The following NSUN4 variants were observed in gnomAD, a reference collection of about 807,000 sequenced individuals.
NSUN4 encodes the protein 5-cytosine rRNA methyltransferase NSUN4.
A neutral mutation model predicts 43.8 loss-of-function variants in NSUN4; 31 were observed. The observed-to-expected ratio is 0.71, with a 90% CI of 0.53 to 0.96. NSUN4 has a LOEUF of 0.96. Among genes scored for constraint, NSUN4 ranks in the 40% least tolerant of loss-of-function variants. The pLI, the probability that NSUN4 is intolerant of heterozygous loss-of-function variation, is 0.00. For missense variants in NSUN4, 439 were observed against 475.6 expected (o/e 0.92, Z 0.72); for synonymous variants, 167 against 184.1 (o/e 0.91, Z 0.75).
intron 1 of NSUN4, 22 bp downstream of exon 1, chr1:46,340,941 A>T (rs750013320): frequency 6.3e-7 from 1 of 1,590,920 alleles, no homozygotes. Flanking sequence ...CTGGGGGCGC[A>T]GGAGGGAAAA....
intron 1 of NSUN4, chr1:46,341,238 C>G (rs1391016394): frequency 1.9e-6 from 2 of 1,078,922 alleles, no homozygotes; most frequent in Non-Finnish European, 2.3e-6. Flanking sequence ...CCCCCACTCC[C>G]CCTTTTACTT....
chr1:46,356,930 A>G (rs192430673), intron 4 of NSUN4, among the ~76,000 whole-genome samples: 81 of 152,274 alleles, frequency 5.3e-4, no homozygotes, highest in African/African-American at 1.8e-3. Flanking sequence ...TTCCCTTATA[A>G]TACAATATTA....
chr1:46,341,158 A>G lies in NSUN4; in HGVS notation c.93+239A>G. The G allele has an allele frequency of 3.1e-6, 4 of 1,293,958 alleles. No individual in the cohort carries two copies. In the African/African-American group the frequency reaches 6.1e-5, roughly 20 times the overall value. 80.2% of individuals were successfully genotyped at this position (1,293,958 alleles called of 1,614,324 possible). ...CTGACTCCGCCCAAGTTGCGTCATC[A>G]CCTTCGCCTTCATTCTTTTAGTGAT... is the stretch of plus-strand genomic sequence containing the variant. On this transcript the variant is annotated intron_variant, in intron 1 of 5. Transcript: ENST00000474844.
In NSUN4 at chr1:46,361,873, A is replaced by G. The variant is rs1031464146; in HGVS notation, c.*27A>G. On this transcript the variant is annotated 3_prime_UTR_variant, in exon 6 of 6. Coordinates refer to ENST00000474844, the MANE Select transcript of NSUN4 (RefSeq NM_199044.4). Reference sequence around the variant, plus strand: ...ATCACCCAATCCCTGAAGCAAGAATACAAAGGGTATACTCTGTTGGATGCA... The same window carrying G: ...ATCACCCAATCCCTGAAGCAAGAATGCAAAGGGTATACTCTGTTGGATGCA... The G allele has an allele frequency of 2.5e-6, 4 of 1,599,350 alleles. No individual in the cohort carries two copies. The highest frequency in any genetic ancestry group is 1.7e-5 in the Admixed American group (1 of 58,280).
Position 46,362,224 on chromosome 1 carries a change from C to A in NSUN4, c.*378C>A. On this transcript the variant is annotated 3_prime_UTR_variant, in exon 6 of 6. Transcript: ENST00000474844. ...GGGGCTGCAGTTGGGGACTTCATGT[C>A]AGTGCAAATGCCATTAGTTCCATTT... 4.4e-6 allele frequency: 1 copy of A among 225,482 alleles called. No individual in the cohort carries two copies. 14.0% of individuals were successfully genotyped at this position (225,482 alleles called of 1,614,324 possible).
intron 4 of NSUN4, among the ~76,000 whole-genome samples, chr1:46,357,315 G>A (rs1203543268): frequency 6.6e-6 from 1 of 152,196 alleles, no homozygotes; most frequent in Admixed American, 6.5e-5. Context: ...AAGTAGCTGG[G>A]AGTACAGGCA....
chr1:46,347,176 G>C lies in NSUN4; in HGVS notation c.592+101G>C, dbSNP rs951910464. 1.4e-5 allele frequency: 18 copies of C among 1,274,722 alleles called. No homozygotes were observed. In the South Asian group the frequency reaches 2.7e-4, roughly 19 times the overall value. 79.0% of individuals were successfully genotyped at this position (1,274,722 alleles called of 1,614,324 possible). A position where few individuals can be genotyped will look rare whatever the true frequency, so the allele number is the denominator to read the frequency against. Reference sequence around the variant, plus strand: ...GGTTCGGCCAGGCGCAGTGGCTCCCGCCTGTAATCCCAGCACTTTGGGAAG... The same window carrying C: ...GGTTCGGCCAGGCGCAGTGGCTCCCCCCTGTAATCCCAGCACTTTGGGAAG... On this transcript the variant is annotated intron_variant, in intron 3 of 5. Coordinates refer to ENST00000474844, the MANE Select transcript of NSUN4 (RefSeq NM_199044.4).
chr1:46,360,243 AAAAAAAATAT>A (rs1479277137), intron 4 of NSUN4, among the ~76,000 whole-genome samples: 34 of 37,962 alleles, frequency 9.0e-4, no homozygotes, highest in South Asian at 1.6e-3. Flanking sequence ...AAAAAAAAAA[AAAAAAAATAT>A]ATATATATAT....
chr1:46,361,455 A>C, intron 5 of NSUN4, 115 bp from the exon 6 acceptor site: 1 of 937,138 alleles, frequency 1.1e-6, no homozygotes, highest in Non-Finnish European at 1.6e-6. Flanking sequence ...GAGGCAGTCT[A>C]ACCAGCTACC....
chr1:46,373,080 A>C, the NSUN4 span, among the ~76,000 whole-genome samples: 1 of 152,196 alleles, frequency 6.6e-6, no homozygotes, highest in Non-Finnish European at 1.5e-5. Flanking sequence ...CTTCAGGTCC[A>C]TCTGAGACCT....
chr1:46,384,208 T>C, the NSUN4 span, among the ~76,000 whole-genome samples: 3 of 152,234 alleles, frequency 2.0e-5, no homozygotes, highest in African/African-American at 7.2e-5. Context: ...GAATTGAACA[T>C]ACTGACATAG....
Position 46,360,776 on chromosome 1 carries a change from T to C in NSUN4, c.826T>C (p.Ser276Pro). 1 of 1,613,966 alleles carries C rather than the reference T, an allele frequency of 6.2e-7. No individual in the cohort carries two copies. The highest frequency in any genetic ancestry group is 1.1e-5 in the South Asian group (1 of 91,088). The change falls in exon 5 of 6, where the codon TCA becomes CCA. Residue 276 changes from serine (S) to proline (P), a missense_variant. By Grantham distance (74) the Ser-to-Pro change is moderately conservative. Coordinates refer to ENST00000474844, the MANE Select transcript of NSUN4 (RefSeq NM_199044.4). ...HEEENNIFKR[S>P]RKKERQILPV... ...GGAGGAGAACAACATCTTTAAGCGG[T>C]CAAGGAAGAAGGAGCGACAGATATT...
rs1044464983 is a variant in NSUN4 at position 46,363,236 on chromosome 1, A to C, written c.*1390A>C. Reference sequence around the variant, plus strand: ...GGCCCTGGAAGATCTCTGAGACTCAAAATCAGGTGAAGCTAGGAAGATGGA... The same window carrying C: ...GGCCCTGGAAGATCTCTGAGACTCACAATCAGGTGAAGCTAGGAAGATGGA... On this transcript the variant is annotated 3_prime_UTR_variant, in exon 6 of 6. Coordinates refer to ENST00000474844, the MANE Select transcript of NSUN4 (RefSeq NM_199044.4). 1 of 152,296 alleles carries C rather than the reference A, an allele frequency of 6.6e-6. No homozygotes were observed. The highest frequency in any genetic ancestry group is 1.5e-5 in the Non-Finnish European group (1 of 68,104). The allele number at this position is 152,296 out of a possible 1,614,324, so 9.4% of individuals were successfully genotyped here.
At position 46,364,861 on chromosome 1, in the gene NSUN4, G is replaced by A. The variant is rs2148427421; in HGVS notation, c.*3015G>A. 2 of 152,312 alleles carry A rather than the reference G, an allele frequency of 1.3e-5. No individual in the cohort carries two copies. The highest frequency in any genetic ancestry group is 6.8e-3 in the Middle Eastern group (2 of 294). The allele number at this position is 152,312 out of a possible 1,614,324, so 9.4% of individuals were successfully genotyped here. A position where few individuals can be genotyped will look rare whatever the true frequency, so the allele number is the denominator to read the frequency against. On this transcript the variant is annotated 3_prime_UTR_variant, in exon 6 of 6. Transcript: ENST00000474844. ...AGGATGGATGCCTCACATAGATCAT[G>A]ATGATTCAATCCAAAGGCACTTTGC... is the stretch of plus-strand genomic sequence containing the variant.
the NSUN4 span, among the ~76,000 whole-genome samples, chr1:46,372,501 C>G: frequency 6.6e-6 from 1 of 152,148 alleles, no homozygotes; most frequent in Non-Finnish European, 1.5e-5. Flanking sequence ...CTTTACTTCC[C>G]TTTTGATTAT....
At chr1:46,367,952 A>G (rs2148430242), downstream of NSUN4, among the ~76,000 whole-genome samples, 1 of 151,856 alleles carries the variant, frequency 6.6e-6, no homozygotes, top group East Asian at 1.9e-4. Context: ...TTTAGTAGAG[A>G]TGGGGTTTCG....
At chr1:46,345,260 T>C (rs1389584406) in intron 2 of NSUN4, 116 bp downstream of exon 2, 6 of 753,616 alleles carry the variant, frequency 8.0e-6, no homozygotes, top group Non-Finnish European at 1.1e-5. Flanking sequence ...ATTTATGGCA[T>C]GTTTATACAG....
In NSUN4 at chr1:46,360,606, A is replaced by G. The variant is rs866905560; in HGVS notation, c.754-98A>G. The G allele has an allele frequency of 6.9e-6, 9 of 1,300,366 alleles. No individual in the cohort carries two copies. The Middle Eastern group carries it at 9.7e-4, about 140-fold the overall frequency. 80.6% of individuals were successfully genotyped at this position (1,300,366 alleles called of 1,614,324 possible). A position where few individuals can be genotyped will look rare whatever the true frequency, so the allele number is the denominator to read the frequency against. ...CAAAGGAGGGATGGGCAGAGGGAATATTTCACAAACTTAGGCCAGGGGCCT... is the reference window on the plus strand; with the variant it reads ...CAAAGGAGGGATGGGCAGAGGGAATGTTTCACAAACTTAGGCCAGGGGCCT... On this transcript the variant is annotated intron_variant, in intron 4 of 5. Transcript: ENST00000474844.
At chr1:46,384,248 C>T in the NSUN4 span, among the ~76,000 whole-genome samples, 3 of 152,352 alleles carry the variant, frequency 2.0e-5, no homozygotes, top group African/African-American at 7.2e-5. Context: ...TTAGAACTCA[C>T]ATCTAGTAAT....
Sources: allele counts gnomAD v4.1 joint callset (sites outside exome capture counted in the v4.1 genomes callset), GRCh38; gene constraint gnomAD v4.1.1; transcripts MANE v1.5; gene names NCBI Gene and HGNC (gene_info 2026-07-23, HGNC 2026-07-21).